Variants in IGF1R observed in about 807,000 individuals in gnomAD.
IGF1R encodes the protein insulin-like growth factor 1 receptor.
In IGF1R, 44 loss-of-function variants were observed where a neutral mutation model predicts 144.6. The ratio of observed to expected loss-of-function variants is 0.30; its 90% CI spans 0.24 to 0.39. IGF1R has a LOEUF of 0.39. Ranked by LOEUF, IGF1R falls within the 10% of genes least tolerant of loss-of-function variation. The probability of loss-of-function intolerance (pLI) is 1.00; values close to 1 mark genes in which losing one functional copy is unlikely to be tolerated. For synonymous variants in IGF1R, 795 were observed against 722.8 expected, an observed-to-expected ratio of 1.10 and a Z score of -1.60; for missense variants, 1,355 against 1,833.7, an observed-to-expected ratio of 0.74 and a Z score of 4.77.
At chr15:98,862,206 T>TACAGATAATATA (rs2012195350) in intron 2 of IGF1R, among the ~76,000 whole-genome samples, 1 of 152,268 alleles carries the variant, frequency 6.6e-6, no homozygotes, top group Non-Finnish European at 1.5e-5. Flanking sequence ...AAGCATATAT[T>TACAGATAATATA]ATCTGTAGCA....
intron 2 of IGF1R, among the ~76,000 whole-genome samples, chr15:98,821,943 T>G (rs1291160935): frequency 6.6e-6 from 1 of 152,212 alleles, no homozygotes; most frequent in African/African-American, 2.4e-5. Context: ...TCCCTTTCCC[T>G]TCCACAGGTA....
intron 2 of IGF1R, among the ~76,000 whole-genome samples, chr15:98,801,903 G>A (rs546160036): frequency 6.6e-6 from 1 of 152,292 alleles, no homozygotes; most frequent in Admixed American, 6.5e-5. Flanking sequence ...TACTTTTGCT[G>A]TCCGTGTTTT....
chr15:98,825,934 G>A (rs2056887332), intron 2 of IGF1R, among the ~76,000 whole-genome samples: 1 of 152,164 alleles, frequency 6.6e-6, no homozygotes, highest in African/African-American at 2.4e-5. Context: ...TGAATGTTGG[G>A]CAGATCCTCC....
intron 1 of IGF1R, among the ~76,000 whole-genome samples, chr15:98,662,819 C>A (rs2052632322): frequency 6.6e-6 from 1 of 152,074 alleles, no homozygotes; most frequent in Admixed American, 6.5e-5. Flanking sequence ...AGGAAGGGAC[C>A]ATGTGTGGTG....
At chr15:98,933,648 C>A (rs958528069) in intron 15 of IGF1R, among the ~76,000 whole-genome samples, 3 of 152,218 alleles carry the variant, frequency 2.0e-5, no homozygotes, top group African/African-American at 7.2e-5. Flanking sequence ...TAAACCAGAT[C>A]GAATCTAAAC....
At chr15:98,700,982 A>C (rs2053717152) in intron 1 of IGF1R, among the ~76,000 whole-genome samples, 1 of 152,098 alleles carries the variant, frequency 6.6e-6, no homozygotes, top group South Asian at 2.1e-4. Flanking sequence ...GTTGTGCAAA[A>C]TTCAGTGATA....
chr15:98,886,525 G>A (rs1965877298), intron 2 of IGF1R, among the ~76,000 whole-genome samples: 1 of 152,148 alleles, frequency 6.6e-6, no homozygotes, highest in South Asian at 2.1e-4. Context: ...GTTTATAGCA[G>A]CTTCTATTTT....
At chr15:98,874,087 T>C (rs897201741) in intron 2 of IGF1R, among the ~76,000 whole-genome samples, 3 of 152,104 alleles carry the variant, frequency 2.0e-5, no homozygotes, top group Non-Finnish European at 2.9e-5. Context: ...GGAGGAGTTA[T>C]GGGCATGTGA....
chr15:98,934,690 T>C (rs1351628317), intron 15 of IGF1R, 134 bp from the exon 16 acceptor site: 4 of 760,680 alleles, frequency 5.3e-6, no homozygotes, highest in Non-Finnish European at 9.3e-6. Context: ...CATCAAGCCA[T>C]GCCATCGCCT....
At chr15:98,927,491 C>A (rs1321333474) in intron 13 of IGF1R, among the ~76,000 whole-genome samples, 1 of 152,154 alleles carries the variant, frequency 6.6e-6, no homozygotes, top group Admixed American at 6.6e-5. Context: ...TTTTGTTATT[C>A]TCTGGATGTG....
chr15:98,828,458 G>C (rs956427995), intron 2 of IGF1R, among the ~76,000 whole-genome samples: 1 of 152,140 alleles, frequency 6.6e-6, no homozygotes, highest in African/African-American at 2.4e-5. Flanking sequence ...CTCATTTGTG[G>C]ATCTGACTCC....
At chr15:98,666,220 A>G (rs969163396) in intron 1 of IGF1R, among the ~76,000 whole-genome samples, 35 of 152,286 alleles carry the variant, frequency 2.3e-4, no homozygotes, top group Admixed American at 2.0e-3. Flanking sequence ...GATGATAGCA[A>G]GCATAGGCCA....
At chr15:98,711,918 G>A (rs1251888256) in intron 2 of IGF1R, among the ~76,000 whole-genome samples, 1 of 152,172 alleles carries the variant, frequency 6.6e-6, no homozygotes, top group Non-Finnish European at 1.5e-5. Context: ...CTGGTTCACA[G>A]AAGCACCTTT....
intron 2 of IGF1R, among the ~76,000 whole-genome samples, chr15:98,742,103 T>C (rs2141317156): frequency 6.6e-6 from 1 of 152,334 alleles, no homozygotes; most frequent in South Asian, 2.1e-4. Context: ...TAGTGTTTTC[T>C]TCCCTAGCTG....
At chr15:98,914,583 G>A (rs1266241500) in intron 8 of IGF1R, among the ~76,000 whole-genome samples, 1 of 152,204 alleles carries the variant, frequency 6.6e-6, no homozygotes, top group African/African-American at 2.4e-5. Flanking sequence ...GAGGTTCAGT[G>A]CAACAGAAGA....
At chr15:98,877,755 G>A (rs184171664) in intron 2 of IGF1R, among the ~76,000 whole-genome samples, 127 of 152,152 alleles carry the variant, frequency 8.3e-4, no homozygotes, top group South Asian at 2.7e-3. Flanking sequence ...AAGTTCCACA[G>A]GTAGTGCAAA....
At chr15:98,691,309 A>G (rs535173507) in intron 1 of IGF1R, among the ~76,000 whole-genome samples, 1 of 151,328 alleles carries the variant, frequency 6.6e-6, no homozygotes, top group East Asian at 2.0e-4. Flanking sequence ...TTCGAGGGAC[A>G]CTGGCCAGGT....
chr15:98,734,448 T>C (rs2054566017), intron 2 of IGF1R, among the ~76,000 whole-genome samples: 1 of 152,222 alleles, frequency 6.6e-6, no homozygotes, highest in South Asian at 2.1e-4. Context: ...TTATGCCTTT[T>C]GGTTGTACCC....
chr15:98,890,291 TA>T (rs772877664), intron 2 of IGF1R: 2 of 152,138 alleles, frequency 1.3e-5, no homozygotes, highest in Non-Finnish European at 2.9e-5. Flanking sequence ...ATACAGGTCA[TA>T]AAGACCTTGC....
Sources: allele counts gnomAD v4.1 joint callset (sites outside exome capture counted in the v4.1 genomes callset), GRCh38; gene constraint gnomAD v4.1.1; transcripts MANE v1.5; gene names NCBI Gene and HGNC (gene_info 2026-07-23, HGNC 2026-07-21).